The following ALK variants were observed in gnomAD, a reference collection of about 807,000 sequenced individuals.
ALK encodes the protein ALK tyrosine kinase receptor.
Under a neutral mutation model 163.1 loss-of-function variants are expected in ALK, and 74 were observed. The ratio of observed to expected loss-of-function variants is 0.45; its 90% confidence interval spans 0.38 to 0.55. ALK has a LOEUF of 0.55. Ranked by LOEUF, ALK falls within the 20% of genes least tolerant of loss-of-function variation. ALK has a pLI of 0.00. For missense variants in ALK, 2,063 were observed against 2,105.3 expected, an observed-to-expected ratio of 0.98 and a Z score of 0.39; for synonymous variants, 960 against 843.2, an observed-to-expected ratio of 1.14 and a Z score of -2.40.
At chr2:29,629,047 G>A (rs1005512645) in intron 3 of ALK, among the ~76,000 whole-genome samples, 5 of 152,142 alleles carry the variant, frequency 3.3e-5, no homozygotes, top group Non-Finnish European at 7.4e-5. Flanking sequence ...TGCTTTCTAT[G>A]ATAAGTTGCA....
chr2:29,622,385 C>G (rs1676060874), intron 3 of ALK, among the ~76,000 whole-genome samples: 1 of 152,084 alleles, frequency 6.6e-6, no homozygotes, highest in Non-Finnish European at 1.5e-5. Flanking sequence ...ATGGCAGCGG[C>G]AAGAGAAAAT....
In ALK at chr2:29,315,612, C is replaced by T. The variant is rs1030810411; in HGVS notation, c.1647+2692G>A. On this transcript the variant is annotated intron_variant, in intron 8 of 28. Transcript: ENST00000389048. ...GGATAGGGTTTAAAAATGCAGAGCCCTGGGCCCCACTCTTCGCGATGTCAT... is the reference window on the plus strand; with the variant it reads ...GGATAGGGTTTAAAAATGCAGAGCCTTGGGCCCCACTCTTCGCGATGTCAT... Among the ~76,000 whole-genome samples the T allele has an allele frequency of 5.9e-5, 9 of 152,228 alleles. No homozygotes were observed. In the East Asian group the frequency reaches 1.5e-3, roughly 26 times the overall value.
At chr2:29,425,256 G>A (rs1170885297) in intron 4 of ALK, among the ~76,000 whole-genome samples, 5 of 151,952 alleles carry the variant, frequency 3.3e-5, no homozygotes, top group East Asian at 1.9e-4. Flanking sequence ...TTCCCCTCCC[G>A]GCTCAATATA....
chr2:29,517,523 T>C (rs72794493), intron 4 of ALK, among the ~76,000 whole-genome samples: 17,972 of 152,196 alleles, frequency 0.12, 1,368 homozygotes, highest in Non-Finnish European at 0.18. Context: ...GAATAATTTT[T>C]TGATGGATGG....
chr2:29,876,686 TATGGTGATGGTAGTG>T (rs1352709944), intron 1 of ALK, among the ~76,000 whole-genome samples: 53 of 138,102 alleles, frequency 3.8e-4, no homozygotes, highest in Middle Eastern at 9.2e-3. Context: ...ACGATGGTGA[TATGGTGATGGTAGTG>T]ATGGTGATGG....
At chr2:29,830,713 T>TA (rs530774574) in intron 1 of ALK, among the ~76,000 whole-genome samples, 11 of 28,966 alleles carry the variant, frequency 3.8e-4, no homozygotes, top group African/African-American at 5.5e-4. Flanking sequence ...TAAAATAGTT[T>TA]AAAAAAAAAA....
chr2:29,527,062 G>T (rs1672976935), intron 4 of ALK, among the ~76,000 whole-genome samples: 1 of 152,174 alleles, frequency 6.6e-6, no homozygotes, highest in Non-Finnish European at 1.5e-5. Flanking sequence ...TAGGTTGCTG[G>T]CATTGCCAGG....
At chr2:29,865,163 G>A (rs1466554825) in intron 1 of ALK, among the ~76,000 whole-genome samples, 3 of 152,178 alleles carry the variant, frequency 2.0e-5, no homozygotes, top group East Asian at 3.9e-4. Context: ...GCCACGTCAG[G>A]TGACCTGCTC....
At position 29,705,245 on chromosome 2, in the gene ALK, A is replaced by T. The variant is rs1678865776; in HGVS notation, c.788-10231T>A. ...CAAAAAAAGAAAAGAAAAGAAATAT[A>T]TATATATATATATATATATATATAT... is the stretch of plus-strand genomic sequence containing the variant. On this transcript the variant is annotated intron_variant, in intron 2 of 28. Coordinates refer to ENST00000389048, the MANE Select transcript of ALK (RefSeq NM_004304.5). Among the ~76,000 whole-genome samples the T allele has an allele frequency of 1.6e-4, 5 of 31,040 alleles. No homozygotes were observed. In the South Asian group the frequency reaches 5.3e-3, roughly 33 times the overall value. 20.4% of individuals were successfully genotyped at this position (31,040 alleles called of 152,430 possible). A position where few individuals can be genotyped will look rare whatever the true frequency, so the allele number is the denominator to read the frequency against.
intron 5 of ALK, among the ~76,000 whole-genome samples, chr2:29,376,267 T>C (rs1668750583): frequency 6.6e-6 from 1 of 152,250 alleles, no homozygotes; most frequent in South Asian, 2.1e-4. Context: ...CTAAAATAAA[T>C]CTGTTTTTAA....
chr2:29,359,978 C>T (rs192903637), intron 5 of ALK, among the ~76,000 whole-genome samples: 12 of 152,334 alleles, frequency 7.9e-5, no homozygotes, highest in African/African-American at 2.6e-4. Flanking sequence ...AGTCTGAAAG[C>T]TGTTCCTCTC....
intron 4 of ALK, among the ~76,000 whole-genome samples, chr2:29,439,614 C>G (rs1385866289): frequency 6.6e-6 from 1 of 151,284 alleles, no homozygotes; most frequent in East Asian, 1.9e-4. Flanking sequence ...TATAGGGTCT[C>G]TGCAGATGTA....
intron 3 of ALK, among the ~76,000 whole-genome samples, chr2:29,600,752 C>G (rs1573490267): frequency 6.6e-6 from 1 of 152,130 alleles, no homozygotes; most frequent in Non-Finnish European, 1.5e-5. Context: ...AAAGGACAGT[C>G]TGGGGACACG....
At chr2:29,721,527 C>G (rs1417892732) in intron 1 of ALK, among the ~76,000 whole-genome samples, 1 of 152,228 alleles carries the variant, frequency 6.6e-6, no homozygotes, top group African/African-American at 2.4e-5. Context: ...TCTCAAAACT[C>G]CAATTCCCCA....
chr2:29,665,002 T>TC lies in ALK; in HGVS notation c.952+29847dup, dbSNP rs1491435493. Among the ~76,000 whole-genome samples the TC allele has an allele frequency of 4.5e-3, 663 of 146,796 alleles. 9 individuals are homozygous for TC. The highest frequency in any genetic ancestry group is 0.029 in the Admixed American group (436 of 14,954). ...AAATACATCCTTTTTTTTCTTTTTT[T>TC]CTTTTTTTTTTTTTTTGAGACCTGC... is the stretch of plus-strand genomic sequence containing the variant. On this transcript the variant is annotated intron_variant, in intron 3 of 28. Coordinates refer to ENST00000389048, the MANE Select transcript of ALK (RefSeq NM_004304.5).
chr2:29,912,876 T>C (rs551777007), intron 1 of ALK, among the ~76,000 whole-genome samples: 1 of 152,242 alleles, frequency 6.6e-6, no homozygotes, highest in Non-Finnish European at 1.5e-5. Flanking sequence ...GTCCTTTCCA[T>C]GCTCACCCTC....
chr2:29,403,706 C>A (rs59231796), intron 4 of ALK, among the ~76,000 whole-genome samples: 2 of 34,176 alleles, frequency 5.9e-5, no homozygotes. Context: ...AGACAGGTCT[C>A]TACAAAAAAA....
At chr2:29,330,104 C>A (rs565344992) in intron 5 of ALK, among the ~76,000 whole-genome samples, 6 of 152,184 alleles carry the variant, frequency 3.9e-5, no homozygotes, top group Non-Finnish European at 8.8e-5. Context: ...TCCTACTGGG[C>A]ATTCTCTGCA....
intron 11 of ALK, among the ~76,000 whole-genome samples, chr2:29,256,396 G>T (rs140066500): frequency 1.1e-4 from 17 of 152,194 alleles, no homozygotes; most frequent in African/African-American, 4.1e-4. Flanking sequence ...ATGCCGTTAT[G>T]CTTGCTGCAA....
Sources: gnomAD v4.1 joint callset for allele counts (sites outside exome capture counted in the v4.1 genomes callset) on GRCh38, gnomAD v4.1.1 for gene constraint, MANE v1.5 for transcripts, NCBI Gene and HGNC (gene_info 2026-07-23, HGNC 2026-07-21) for gene names.